The following FRMPD4 variants were observed in gnomAD, a reference collection of about 807,000 sequenced individuals.
FRMPD4 encodes FERM and PDZ domain-containing protein 4.
Under a neutral mutation model 94.1 loss-of-function variants are expected in FRMPD4, and 22 were observed. The ratio of observed to expected loss-of-function variants is 0.23; its 90% CI spans 0.17 to 0.33. The LOEUF (loss-of-function observed/expected upper bound fraction) is 0.33, where lower values mean the gene tolerates loss of function less well. Among genes scored for constraint, FRMPD4 ranks in the 10% least tolerant of loss-of-function variants. The pLI is 1.00. For synonymous variants in FRMPD4, 631 were observed against 548.6 expected, an observed-to-expected ratio of 1.15 and a Z score of -2.10; for missense variants, 1,111 against 1,339.9, an observed-to-expected ratio of 0.83 and a Z score of 2.67.
rs199656546 is a variant in FRMPD4, at chrX:12,053,438, A to AAGAAG, written c.95+175434_95+175438dup. 6.7e-3 allele frequency among the ~76,000 whole-genome samples: 669 copies of AAGAAG among 99,142 alleles called. 9 individuals carry two copies. The highest frequency in any genetic ancestry group is 0.034 in the East Asian group (89 of 2,625). The allele number at this position is 99,142 out of a possible 115,157, so 86.1% of individuals were successfully genotyped here. The stretch of plus-strand genomic sequence containing the variant: ...AGAAAGAAAGAAAGAAAGAGAAAGA[A>AAGAAG]AGAAGAGAAGAGAAGAGAGGAAAGG... On this transcript the variant is annotated intron_variant, in intron 3 of 18. Transcript: ENST00000640291.
intron 2 of FRMPD4, among the ~76,000 whole-genome samples, chrX:12,591,575 AT>A (rs1474734246): frequency 8.9e-6 from 1 of 112,272 alleles, no homozygotes; most frequent in African/African-American, 3.2e-5. Context: ...AGCCATGTTC[AT>A]TATTTATACA....
intron 3 of FRMPD4, among the ~76,000 whole-genome samples, chrX:11,886,334 C>T (rs193160730): frequency 1.9e-3 from 208 of 111,605 alleles, no homozygotes; most frequent in African/African-American, 6.5e-3. Context: ...TGGGGAAATA[C>T]GTTGAAATTA....
chrX:12,179,352 G>C (rs954245091), intron 1 of FRMPD4, among the ~76,000 whole-genome samples: 13 of 111,243 alleles, frequency 1.2e-4, no homozygotes, highest in African/African-American at 3.3e-4. Context: ...CTTAATGGGA[G>C]GAGAAACAAA....
At chrX:12,516,528 T>A (rs774397021) in intron 2 of FRMPD4, among the ~76,000 whole-genome samples, 2 of 112,047 alleles carry the variant, frequency 1.8e-5, no homozygotes, top group Admixed American at 1.9e-4. Context: ...TGCCCCCCAA[T>A]CTCTTCTGGC....
intron 3 of FRMPD4, among the ~76,000 whole-genome samples, chrX:12,610,617 G>A (rs1292354037): frequency 9.0e-6 from 1 of 111,326 alleles, no homozygotes; most frequent in South Asian, 3.8e-4. Context: ...GTGTGGTGGC[G>A]CTTGCCTGAA....
intron 1 of FRMPD4, among the ~76,000 whole-genome samples, chrX:12,218,535 T>G (rs2056831507): frequency 8.9e-6 from 1 of 112,256 alleles, no homozygotes; most frequent in African/African-American, 3.2e-5. Flanking sequence ...TAATCAAAAT[T>G]TATAGATCTT....
At chrX:12,693,810 A>C (rs1454120520) in intron 8 of FRMPD4, among the ~76,000 whole-genome samples, 1 of 112,104 alleles carries the variant, frequency 8.9e-6, no homozygotes, top group Non-Finnish European at 1.9e-5. Flanking sequence ...GCTATCACTA[A>C]CAGCCAGCAT....
At chrX:12,194,747 G>C (rs1218645959) in intron 1 of FRMPD4, among the ~76,000 whole-genome samples, 2 of 111,935 alleles carry the variant, frequency 1.8e-5, no homozygotes, top group African/African-American at 6.5e-5. Context: ...GAAAAGCCTG[G>C]ATAGATCTTT....
intron 4 of FRMPD4, among the ~76,000 whole-genome samples, chrX:12,617,534 A>G (rs893872659): frequency 8.9e-6 from 1 of 112,387 alleles, no homozygotes; most frequent in Non-Finnish European, 1.9e-5. Context: ...TCTGTCTGCC[A>G]TAATGTGTAC....
chrX:11,997,318 G>A (rs2054501949), intron 3 of FRMPD4, among the ~76,000 whole-genome samples: 2 of 111,365 alleles, frequency 1.8e-5, no homozygotes, highest in Non-Finnish European at 3.8e-5. Context: ...TGAAGGATTG[G>A]AAAAATATCT....
chrX:11,844,960 T>C (rs2053565025), intron 1 of FRMPD4, among the ~76,000 whole-genome samples: 1 of 112,077 alleles, frequency 8.9e-6, no homozygotes, highest in African/African-American at 3.2e-5. Context: ...TTCTGGTTTG[T>C]CTGCCAGCTT....
chrX:11,833,107 A>T (rs1366187674), intron 1 of FRMPD4, among the ~76,000 whole-genome samples: 2 of 112,037 alleles, frequency 1.8e-5, no homozygotes, highest in African/African-American at 6.5e-5. Flanking sequence ...GACTTTTCAG[A>T]TTGGCTTCTT....
chrX:12,090,306 G>A (rs1441462064), intron 3 of FRMPD4, among the ~76,000 whole-genome samples: 1 of 109,702 alleles, frequency 9.1e-6, no homozygotes, highest in African/African-American at 3.3e-5. Context: ...TCTTGCTCCT[G>A]CTCTGGCCAC....
At chrX:12,696,956 T>C (rs1400368443) in intron 9 of FRMPD4, among the ~76,000 whole-genome samples, 1 of 111,713 alleles carries the variant, frequency 9.0e-6, no homozygotes, top group Non-Finnish European at 1.9e-5. Context: ...AAGAATGTTC[T>C]AGCAGATGGG....
chrX:12,352,548 A>C (rs1222808140), intron 1 of FRMPD4, among the ~76,000 whole-genome samples: 2 of 112,536 alleles, frequency 1.8e-5, no homozygotes, highest in Non-Finnish European at 3.8e-5. Context: ...GAAACTATTG[A>C]TAGGAATGAT....
intron 1 of FRMPD4, among the ~76,000 whole-genome samples, chrX:12,257,319 T>G (rs1316852749): frequency 9.0e-6 from 1 of 110,692 alleles, no homozygotes; most frequent in Non-Finnish European, 1.9e-5. Flanking sequence ...TTTTTTTCCC[T>G]TTTCTACCAC....
At chrX:12,034,194 A>G (rs1428096942) in intron 3 of FRMPD4, among the ~76,000 whole-genome samples, 1 of 112,326 alleles carries the variant, frequency 8.9e-6, no homozygotes, top group East Asian at 2.8e-4. Context: ...CATCCTGAGC[A>G]ATCACTGTCA....
At chrX:11,919,910 T>A (rs1319105577) in intron 3 of FRMPD4, among the ~76,000 whole-genome samples, 1 of 112,475 alleles carries the variant, frequency 8.9e-6, no homozygotes, top group Non-Finnish European at 1.9e-5. Context: ...AGCAAAGAAT[T>A]ACTGCAGGAT....
At chrX:12,204,271 A>G (rs1195291015) in intron 1 of FRMPD4, among the ~76,000 whole-genome samples, 1 of 112,418 alleles carries the variant, frequency 8.9e-6, no homozygotes, top group African/African-American at 3.2e-5. Flanking sequence ...ACCCAGCCCA[A>G]AATGTCAATA....
Sources: gnomAD v4.1 joint callset for allele counts (sites outside exome capture counted in the v4.1 genomes callset) on GRCh38, gnomAD v4.1.1 for gene constraint, MANE v1.5 for transcripts, NCBI Gene and HGNC (gene_info 2026-07-23, HGNC 2026-07-21) for gene names.